SYNJ2: variants seen among roughly 807,000 people sequenced by gnomAD.
SYNJ2 encodes polyphosphatidylinositol phosphatase SYNJ2.
In SYNJ2, 116 loss-of-function variants were observed where a neutral mutation model predicts 141.3. That is an observed-to-expected ratio of 0.82 (90% CI 0.71 to 0.96). SYNJ2 has a LOEUF of 0.96. Among genes scored for constraint, SYNJ2 ranks in the 40% least tolerant of loss-of-function variants. The pLI is 0.00. For missense variants in SYNJ2, 1,873 were observed against 1,934.8 expected (o/e 0.97, Z 0.60); for synonymous variants, 745 against 777.7 (o/e 0.96, Z 0.70).
Position 158,084,206 on chromosome 6 carries a change from A to C in SYNJ2, c.3208+32A>C. 1 of 1,604,650 alleles carries C rather than the reference A, an allele frequency of 6.2e-7. No individual in the cohort carries two copies. The highest frequency in any genetic ancestry group is 8.5e-7 in the Non-Finnish European group (1 of 1,174,816). On this transcript the variant is annotated intron_variant, in intron 22 of 26. Coordinates refer to ENST00000355585, the MANE Select transcript of SYNJ2 (RefSeq NM_003898.4). The surrounding 1 kb of genome is among the most constrained non-coding windows in gnomAD (Gnocchi z 5.0). ...TGACCCTTCTTTTCTCAGGAGCCTC[A>C]GCGATGGAGTCAGCTCAGGACAGAC...
intron 5 of SYNJ2, among the ~76,000 whole-genome samples, chr6:158,047,066 C>T (rs887470666): frequency 2.6e-5 from 4 of 152,240 alleles, no homozygotes; most frequent in African/African-American, 7.2e-5. Context: ...GGAGTCGTGG[C>T]GCTGGATGGG....
intron 8 of SYNJ2, among the ~76,000 whole-genome samples, chr6:158,062,957 G>A (rs1283077737): frequency 6.6e-6 from 1 of 152,162 alleles, no homozygotes; most frequent in African/African-American, 2.4e-5. Context: ...GTGCTTTATG[G>A]AGAAAATGCA....
At position 158,095,718 on chromosome 6, in the gene SYNJ2, G is replaced by A. The variant is rs763382477; in HGVS notation, c.3845G>A (p.Arg1282Gln). ...VEAPPVVTAP[R>Q]VPPVPKPRTF... is the part of the protein sequence containing the mutation. ...GCCCCTCCTGTCGTGACAGCCCCTCGAGTCCCTCCTGTTCCCAAACCAAGA... is the reference window on the plus strand; with the variant it reads ...GCCCCTCCTGTCGTGACAGCCCCTCAAGTCCCTCCTGTTCCCAAACCAAGA... The change falls in exon 27 of 27, where the codon CGA (arginine) becomes CAA (glutamine). Residue 1282 changes from arginine (R) to glutamine (Q), a missense_variant. Coordinates refer to ENST00000355585, the MANE Select transcript of SYNJ2 (RefSeq NM_003898.4). 58 of 1,613,776 alleles carry A rather than the reference G, an allele frequency of 3.6e-5. No individual in the cohort carries two copies. Among genetic ancestry groups the A allele is most frequent in the Middle Eastern group, 1.6e-4 (1 of 6,084 alleles).
chr6:157,989,012 CT>C (rs542006457), intron 1 of SYNJ2, among the ~76,000 whole-genome samples: 105 of 152,268 alleles, frequency 6.9e-4, no homozygotes, highest in South Asian at 8.3e-4. Flanking sequence ...GTAAGTCATT[CT>C]TTCTTTCTGG....
intron 13 of SYNJ2, 70 bp from the exon 14 acceptor site, chr6:158,069,463 C>G (rs915542994): frequency 3.4e-5 from 53 of 1,550,158 alleles, no homozygotes; most frequent in Non-Finnish European, 4.5e-5. Flanking sequence ...TGGGCTGGAG[C>G]ATTTGGTAGG....
chr6:158,022,391 G>A (rs1356782330), intron 2 of SYNJ2, among the ~76,000 whole-genome samples: 3 of 152,190 alleles, frequency 2.0e-5, no homozygotes, highest in African/African-American at 4.8e-5. Flanking sequence ...GGGTCTGCAA[G>A]CCACGTATCA....
intron 7 of SYNJ2, chr6:158,059,556 C>CTG (rs1433799888): frequency 1.7e-6 from 2 of 1,178,638 alleles, no homozygotes; most frequent in South Asian, 2.0e-5. Flanking sequence ...AATTTCTTTT[C>CTG]TTTTTTTTTT....
chr6:158,096,407 TCCTCCCTCTAGACATC>T lies in SYNJ2; in HGVS notation c.*49_*64del. On this transcript the variant is annotated 3_prime_UTR_variant, in exon 27 of 27. Transcript: ENST00000355585. ...CTGCAGTCCTATAGAATGCATACCT[TCCTCCCTCTAGACATC>T]CCTCCACCAGAAGAGACATCTATTT... The T allele has an allele frequency of 6.5e-7, 1 of 1,526,982 alleles. No homozygotes were observed. The highest frequency in any genetic ancestry group is 1.4e-5 in the African/African-American group (1 of 72,160). The allele number at this position is 1,526,982 out of a possible 1,614,324, so 94.6% of individuals were successfully genotyped here.
intron 1 of SYNJ2, among the ~76,000 whole-genome samples, chr6:158,004,629 C>T (rs1457364629): frequency 6.6e-6 from 1 of 152,210 alleles, no homozygotes; most frequent in East Asian, 1.9e-4. Context: ...CATACTGCTG[C>T]CCTGCCTATA....
chr6:158,004,802 C>T (rs1257325422), intron 1 of SYNJ2, among the ~76,000 whole-genome samples: 9 of 152,146 alleles, frequency 5.9e-5, no homozygotes, highest in East Asian at 1.9e-4. Context: ...CACTGCCCCT[C>T]GTTTCGGCAG....
chr6:158,018,062 C>T lies in SYNJ2; in HGVS notation c.214+772C>T, dbSNP rs150124633. On this transcript the variant is annotated intron_variant, in intron 2 of 26. Transcript: ENST00000355585. Reference sequence around the variant, plus strand: ...GTTGTCAGCAGGAGAAAAAAGCCACCGATGTGTGACTGTCAGTCAGTGTGG... The same window carrying T: ...GTTGTCAGCAGGAGAAAAAAGCCACTGATGTGTGACTGTCAGTCAGTGTGG... 2.2e-3 allele frequency among the ~76,000 whole-genome samples: 340 copies of T among 152,198 alleles called. 1 individual carries two copies. The highest frequency in any genetic ancestry group is 7.8e-3 in the African/African-American group (326 of 41,534).
At chr6:157,990,237 G>T (rs1442479266) in intron 1 of SYNJ2, among the ~76,000 whole-genome samples, 1 of 152,238 alleles carries the variant, frequency 6.6e-6, no homozygotes, top group Non-Finnish European at 1.5e-5. Context: ...GTGAAGGTCT[G>T]AGCTTCATTC....
Position 158,027,312 on chromosome 6 carries a change from C to T in SYNJ2, c.215-1444C>T. The T allele has an allele frequency of 1.5e-6, 1 of 649,098 alleles. No homozygotes were observed. The highest frequency in any genetic ancestry group is 1.9e-6 in the Non-Finnish European group (1 of 522,940). The allele number at this position is 649,098 out of a possible 1,614,324, so 40.2% of individuals were successfully genotyped here. On this transcript the variant is annotated intron_variant, in intron 2 of 26. Transcript: ENST00000355585. This position sits in a 1 kb window ranked among gnomAD's most constrained non-coding sequence, Gnocchi z 4.6. ...AGAAGATCTCGCTGGGCGGATCCTT[C>T]AGACCTCAGCGGGGTGGGAAGAGTG...
At chr6:158,048,206 A>C (rs1369395865) in intron 5 of SYNJ2, among the ~76,000 whole-genome samples, 1 of 152,028 alleles carries the variant, frequency 6.6e-6, no homozygotes, top group African/African-American at 2.4e-5. Context: ...TGTTGGAGGA[A>C]GGGAGAGGCC....
Position 158,071,774 on chromosome 6 carries a change from C to T in SYNJ2, c.2113C>T (p.Gln705Ter). Residue 705 changes from glutamine to a stop codon, truncating the protein, a stop_gained, in exon 15 of 27, where the codon CAG (glutamine) becomes TAG (stop). Coordinates refer to ENST00000355585, the MANE Select transcript of SYNJ2 (RefSeq NM_003898.4). LOFTEE classifies it high-confidence loss of function. This position sits in a 1 kb window ranked among gnomAD's most constrained non-coding sequence, Gnocchi z 4.3. ...GAATGAAGACTACAAGGAGATCACC[C>T]AGAAACTCTGCTTCCCAATGGTGAG... ...ERNEDYKEITQKLCFPMGRNV... is the reference protein window; with the variant it reads ...ERNEDYKEIT 6.2e-7 allele frequency: 1 copy of T among 1,613,616 alleles called. No individual in the cohort carries two copies. The highest frequency in any genetic ancestry group is 8.5e-7 in the Non-Finnish European group (1 of 1,180,024).
intron 5 of SYNJ2, among the ~76,000 whole-genome samples, chr6:158,047,677 T>C (rs1395034093): frequency 2.1e-5 from 3 of 142,596 alleles, no homozygotes; most frequent in African/African-American, 7.9e-5. Flanking sequence ...TTCAGGAGGC[T>C]GAGGCAGGAG....
At chr6:158,082,219 T>C (rs1782736754) in intron 20 of SYNJ2, among the ~76,000 whole-genome samples, 1 of 152,066 alleles carries the variant, frequency 6.6e-6, no homozygotes, top group South Asian at 2.1e-4. Flanking sequence ...CTGGGTGTGG[T>C]GGCTTACGCC....
rs142027565 is a variant in SYNJ2, at chr6:158,081,986, C to T, written c.2865+476C>T. On this transcript the variant is annotated intron_variant, in intron 20 of 26. Transcript: ENST00000355585. ...TGTCTTTATGTATAGACGCCATATG[C>T]GGGAGGGAGTTTGGATTCTTCACTC... Among the ~76,000 whole-genome samples the T allele has an allele frequency of 1.0e-2, 1,519 of 152,138 alleles. 29 individuals are homozygous for T. Among genetic ancestry groups the T allele is most frequent in the African/African-American group, 0.034 (1,419 of 41,488 alleles).
Position 158,095,902 on chromosome 6 carries a change from C to T in SYNJ2, c.4029C>T (p.Ala1343=), listed in dbSNP as rs1369460211. Residue 1343 remains alanine (A), a synonymous_variant, in exon 27 of 27, where the codon GCC becomes GCT. Transcript: ENST00000355585. ...GGAGGAAGAAGTCAGCCCCCGCAGC[C>T]TTCCACCTGCAGGTCCTGCAGAGCA... The part of the protein sequence containing the change: ...PPRRKKSAPA[A]FHLQVLQSNS... 2 of 1,614,142 alleles carry T rather than the reference C, an allele frequency of 1.2e-6. No individual in the cohort carries two copies. The highest frequency in any genetic ancestry group is 2.2e-5 in the East Asian group (1 of 44,888).
Sources: gnomAD v4.1 joint callset for allele counts (sites outside exome capture counted in the v4.1 genomes callset) on GRCh38, gnomAD v4.1.1 for gene constraint, Gnocchi (gnomAD v3.1) non-coding constraint, MANE v1.5 for transcripts, NCBI Gene and HGNC (gene_info 2026-07-23, HGNC 2026-07-21) for gene names.